Variants in SEMA3C observed in about 807,000 individuals in gnomAD.
The protein encoded by SEMA3C is semaphorin 3C.
A neutral mutation model predicts 89.4 loss-of-function variants in SEMA3C; 47 were observed. The observed-to-expected ratio is 0.53, with a 90% CI of 0.42 to 0.67. SEMA3C has a LOEUF of 0.67. Among genes scored for constraint, SEMA3C ranks in the 30% least tolerant of loss-of-function variants. The probability of loss-of-function intolerance (pLI) is 0.00; values close to 1 mark genes in which losing one functional copy is unlikely to be tolerated. For synonymous variants in SEMA3C, 310 were observed against 320.2 expected, an observed-to-expected ratio of 0.97 and a Z score of 0.34; for missense variants, 839 against 929.1, an observed-to-expected ratio of 0.90 and a Z score of 1.26.
chr7:80,828,561 T>C, intron 3 of SEMA3C, 24 bp downstream of exon 3: 1 of 1,581,724 alleles, frequency 6.3e-7, no homozygotes, highest in Non-Finnish European at 8.6e-7. Flanking sequence ...GTGGACACTG[T>C]CCTCGTGAAA....
At chr7:80,854,406 TAACAGCATAGGTA>T (rs973468496) in intron 2 of SEMA3C, among the ~76,000 whole-genome samples, 2 of 152,130 alleles carry the variant, frequency 1.3e-5, no homozygotes, top group South Asian at 4.1e-4. Flanking sequence ...TGGAGGTGCT[TAACAGCATAGGTA>T]AACAGCATAG....
chr7:80,875,725 G>C (rs181236644), intron 2 of SEMA3C, among the ~76,000 whole-genome samples: 103 of 151,820 alleles, frequency 6.8e-4, no homozygotes, highest in African/African-American at 2.4e-3. Context: ...AAGTATCTCA[G>C]TGTTTGTGAT....
chr7:80,806,287 A>G (rs1308890161), intron 6 of SEMA3C, among the ~76,000 whole-genome samples: 3 of 152,150 alleles, frequency 2.0e-5, no homozygotes, highest in Non-Finnish European at 4.4e-5. Context: ...AAAGTTCTTA[A>G]CACATATTAA....
At chr7:80,851,504 T>TAAAAAAAAAAAAAAA (rs35936052) in intron 2 of SEMA3C, among the ~76,000 whole-genome samples, 1 of 69,792 alleles carries the variant, frequency 1.4e-5, no homozygotes, top group African/African-American at 5.2e-5. Context: ...CTCTTGTCTT[T>TAAAAAAAAAAAAAAA]AAAAAAAAAA....
At chr7:80,857,117 T>C (rs1450600717) in intron 2 of SEMA3C, among the ~76,000 whole-genome samples, 3 of 152,170 alleles carry the variant, frequency 2.0e-5, no homozygotes, top group Non-Finnish European at 4.4e-5. Flanking sequence ...AAGTGTCTCA[T>C]GACCTCCACC....
intron 2 of SEMA3C, among the ~76,000 whole-genome samples, chr7:80,880,172 T>A (rs1791300241): frequency 1.3e-5 from 2 of 152,106 alleles, no homozygotes; most frequent in South Asian, 4.1e-4. Flanking sequence ...AATCTCAACA[T>A]CTCCAGGAGG....
chr7:80,776,199 C>G (rs1300927542), intron 12 of SEMA3C, among the ~76,000 whole-genome samples: 1 of 151,646 alleles, frequency 6.6e-6, no homozygotes, highest in Non-Finnish European at 1.5e-5. Flanking sequence ...TTATTAATAG[C>G]CCTCAGGAGT....
upstream of SEMA3C, among the ~76,000 whole-genome samples, chr7:80,920,384 A>G (rs754326289): frequency 1.2e-4 from 18 of 152,208 alleles, no homozygotes; most frequent in Admixed American, 2.6e-4. Context: ...GACAATTCAC[A>G]TAATGAAACA....
chr7:80,906,282 G>C (rs1583998681), intron 2 of SEMA3C, among the ~76,000 whole-genome samples: 1 of 152,074 alleles, frequency 6.6e-6, no homozygotes, highest in East Asian at 1.9e-4. Flanking sequence ...ATTAGAAAAG[G>C]TTGCAACTAT....
intron 2 of SEMA3C, among the ~76,000 whole-genome samples, chr7:80,909,180 A>G (rs1209942104): frequency 6.6e-6 from 1 of 152,172 alleles, no homozygotes; most frequent in African/African-American, 2.4e-5. Context: ...AAAATCTATA[A>G]GGAAATAAGT....
chr7:80,877,076 T>C (rs1440400329), intron 2 of SEMA3C, among the ~76,000 whole-genome samples: 1 of 152,232 alleles, frequency 6.6e-6, no homozygotes, highest in Non-Finnish European at 1.5e-5. Context: ...TAGTTAACGA[T>C]AAGTGGTGGA....
At chr7:80,889,306 T>G (rs905606778) in intron 2 of SEMA3C, among the ~76,000 whole-genome samples, 1 of 152,242 alleles carries the variant, frequency 6.6e-6, no homozygotes, top group African/African-American at 2.4e-5. Context: ...AGGAATAAGA[T>G]GTAGTAAAAT....
rs562901607 is a variant in SEMA3C at position 80,895,381 on chromosome 7, T to G, written c.103+21298A>C. Among the ~76,000 whole-genome samples, 35 of 152,308 alleles carry G rather than the reference T, an allele frequency of 2.3e-4. No individual in the cohort carries two copies. The South Asian group carries it at 6.8e-3, about 30-fold the overall frequency. ...TGGTCAAAAATTCTAGTAAAACAGA[T>G]AGTATTTCTTTACAGCCTCATTAGT... On this transcript the variant is annotated intron_variant, in intron 2 of 17. Transcript: ENST00000265361.
chr7:80,762,637 T>C (rs1245409969), intron 13 of SEMA3C, among the ~76,000 whole-genome samples: 3 of 152,086 alleles, frequency 2.0e-5, no homozygotes, highest in African/African-American at 4.8e-5. Flanking sequence ...CTGGCCAAAA[T>C]AGTGAAACCC....
intron 2 of SEMA3C, among the ~76,000 whole-genome samples, chr7:80,836,482 A>C (rs1322669345): frequency 1.3e-5 from 2 of 152,140 alleles, no homozygotes; most frequent in African/African-American, 4.8e-5. Flanking sequence ...GTTTGAGACA[A>C]GCCTGGCCAA....
intron 2 of SEMA3C, among the ~76,000 whole-genome samples, chr7:80,841,468 G>T (rs937383288): frequency 6.6e-6 from 1 of 152,106 alleles, no homozygotes; most frequent in Non-Finnish European, 1.5e-5. Context: ...TTTCCTTGCA[G>T]ACCACTGTAA....
At chr7:80,888,485 T>C (rs1401255041) in intron 2 of SEMA3C, among the ~76,000 whole-genome samples, 1 of 151,906 alleles carries the variant, frequency 6.6e-6, no homozygotes, top group Non-Finnish European at 1.5e-5. Flanking sequence ...AATAAATAAA[T>C]AGATAATAAT....
At chr7:80,899,300 G>A (rs762493183) in intron 2 of SEMA3C, among the ~76,000 whole-genome samples, 2 of 152,108 alleles carry the variant, frequency 1.3e-5, no homozygotes, top group African/African-American at 2.4e-5. Flanking sequence ...CTTGGCCTCC[G>A]AAAGTGCTGG....
At chr7:80,815,667 T>G (rs1583904934) in intron 5 of SEMA3C, among the ~76,000 whole-genome samples, 1 of 151,824 alleles carries the variant, frequency 6.6e-6, no homozygotes, top group South Asian at 2.1e-4. Context: ...ATTTTTCTTC[T>G]GAAACAGAAA....
Sources: allele counts gnomAD v4.1 joint callset (sites outside exome capture counted in the v4.1 genomes callset), GRCh38; gene constraint gnomAD v4.1.1; transcripts MANE v1.5; gene names NCBI Gene and HGNC (gene_info 2026-07-23, HGNC 2026-07-21).